CNBD1: variants seen among roughly 807,000 people sequenced by gnomAD.
CNBD1 encodes cyclic nucleotide binding domain containing 1.
A neutral mutation model predicts 54.4 loss-of-function variants in CNBD1; 71 were observed. That is an observed-to-expected ratio of 1.30 (90% CI 1.08 to 1.59). The LOEUF (loss-of-function observed/expected upper bound fraction) is 1.59, where lower values mean the gene tolerates loss of function less well. Ranked by LOEUF, CNBD1 falls within the 40% of genes most tolerant of loss-of-function variation. The pLI, the probability that CNBD1 is intolerant of heterozygous loss-of-function variation, is 0.00. For missense variants in CNBD1, 659 were observed against 518.0 expected, an observed-to-expected ratio of 1.27 and a Z score of -2.64; for synonymous variants, 182 against 170.7, an observed-to-expected ratio of 1.07 and a Z score of -0.51.
chr8:86,911,273 T>C (rs1293570814), intron 3 of CNBD1, among the ~76,000 whole-genome samples: 1 of 152,146 alleles, frequency 6.6e-6, no homozygotes, highest in Non-Finnish European at 1.5e-5. Flanking sequence ...AAGAAATTAT[T>C]TGGGGGCTGC....
intron 4 of CNBD1, among the ~76,000 whole-genome samples, chr8:87,154,186 A>G (rs887336386): frequency 3.3e-5 from 5 of 152,242 alleles, no homozygotes; most frequent in African/African-American, 1.2e-4. Context: ...TTTTTAACCT[A>G]TCGCATCTCC....
intron 10 of CNBD1, among the ~76,000 whole-genome samples, chr8:87,354,406 T>TA (rs1810378160): frequency 6.6e-6 from 1 of 152,080 alleles, no homozygotes; most frequent in Non-Finnish European, 1.5e-5. Flanking sequence ...TCTTTTTTTT[T>TA]AATTTTATTA....
chr8:86,906,446 A>G (rs1809018017), intron 3 of CNBD1, among the ~76,000 whole-genome samples: 1 of 151,828 alleles, frequency 6.6e-6, no homozygotes, highest in Non-Finnish European at 1.5e-5. Context: ...ACTTTTTCCA[A>G]GACTGTATCT....
intron 4 of CNBD1, among the ~76,000 whole-genome samples, chr8:87,018,243 CAAAAACAAAACA>C (rs1001136180): frequency 1.3e-5 from 2 of 152,236 alleles, no homozygotes; most frequent in East Asian, 1.9e-4. Context: ...AACTGTGTCT[CAAAAACAAAACA>C]AAAAACAAAA....
At chr8:87,040,660 G>C (rs1467166207) in intron 4 of CNBD1, among the ~76,000 whole-genome samples, 2 of 151,568 alleles carry the variant, frequency 1.3e-5, no homozygotes, top group Non-Finnish European at 2.9e-5. Flanking sequence ...TCCTGACCTC[G>C]TGATCCACCC....
At chr8:87,325,314 T>G (rs1286580309) in intron 8 of CNBD1, among the ~76,000 whole-genome samples, 3 of 94,012 alleles carry the variant, frequency 3.2e-5, no homozygotes, top group African/African-American at 2.0e-4. Context: ...AGATGTCTAT[T>G]AGGTCCGCTT....
chr8:87,338,347 T>C lies in CNBD1; in HGVS notation c.1043-13338T>C, dbSNP rs547466071. ...TTCTCTAAATATTTCTTTTAATATT[T>C]CTTGCAAGGCAGGTCTGACAGCAAC... is the stretch of plus-strand genomic sequence containing the variant. On this transcript the variant is annotated intron_variant, in intron 8 of 10. Coordinates refer to ENST00000518476, the MANE Select transcript of CNBD1 (RefSeq NM_173538.3). 1.4e-3 allele frequency among the ~76,000 whole-genome samples: 209 copies of C among 152,320 alleles called. 1 individual carries two copies. The highest frequency in any genetic ancestry group is 4.5e-3 in the African/African-American group (188 of 41,576).
chr8:87,359,783 A>G (rs549785070), intron 10 of CNBD1, among the ~76,000 whole-genome samples: 1 of 152,172 alleles, frequency 6.6e-6, no homozygotes, highest in Non-Finnish European at 1.5e-5. Flanking sequence ...AGCAAACTCT[A>G]TGTTATGTCA....
At chr8:87,200,160 A>G (rs1813826474) in intron 4 of CNBD1, among the ~76,000 whole-genome samples, 1 of 152,176 alleles carries the variant, frequency 6.6e-6, no homozygotes, top group Non-Finnish European at 1.5e-5. Context: ...TCCCAGATGA[A>G]TAGGAGAGAA....
At chr8:87,300,364 A>G (rs1194671233) in intron 8 of CNBD1, among the ~76,000 whole-genome samples, 1 of 152,104 alleles carries the variant, frequency 6.6e-6, no homozygotes, top group African/African-American at 2.4e-5. Context: ...TAAAACCCCA[A>G]AAGTCTGGAG....
chr8:87,395,431 A>C (rs1316769568), intron 2 of CNBD1, among the ~76,000 whole-genome samples: 1 of 151,944 alleles, frequency 6.6e-6, no homozygotes, highest in Non-Finnish European at 1.5e-5. Context: ...TGAAGTGTTC[A>C]TTTAAGAAAC....
chr8:86,972,617 GACAC>G (rs138402013), intron 4 of CNBD1, among the ~76,000 whole-genome samples: 1 of 151,706 alleles, frequency 6.6e-6, no homozygotes, highest in Non-Finnish European at 1.5e-5. Context: ...AAGATACACA[GACAC>G]ACACACACAC....
At chr8:87,119,324 G>GTT (rs34925068) in intron 4 of CNBD1, among the ~76,000 whole-genome samples, 111 of 145,606 alleles carry the variant, frequency 7.6e-4, no homozygotes, top group African/African-American at 2.4e-3. Flanking sequence ...AATTCTTAGG[G>GTT]TTTTTTTTTT....
intron 4 of CNBD1, among the ~76,000 whole-genome samples, chr8:87,029,155 G>A (rs1809723872): frequency 6.6e-6 from 1 of 152,168 alleles, no homozygotes; most frequent in Non-Finnish European, 1.5e-5. Context: ...TTGTTTCCAT[G>A]ATAATGTGTT....
intron 4 of CNBD1, among the ~76,000 whole-genome samples, chr8:87,151,589 A>G (rs1812605872): frequency 6.6e-6 from 1 of 152,146 alleles, no homozygotes; most frequent in Non-Finnish European, 1.5e-5. Context: ...TTCCATGCAT[A>G]TTCTCTGGGC....
intron 6 of CNBD1, among the ~76,000 whole-genome samples, chr8:87,273,476 C>T (rs62528088): frequency 0.045 from 6,833 of 151,994 alleles, 200 homozygotes; most frequent in Non-Finnish European, 0.063. Flanking sequence ...AAAATAACAA[C>T]AAACCAATGC....
At chr8:87,022,315 A>C (rs1482702268) in intron 4 of CNBD1, among the ~76,000 whole-genome samples, 1 of 152,198 alleles carries the variant, frequency 6.6e-6, no homozygotes, top group African/African-American at 2.4e-5. Context: ...ATATTGTGCC[A>C]CTGGGTTTTT....
chr8:87,270,364 A>AT (rs2095561432), intron 6 of CNBD1, among the ~76,000 whole-genome samples: 1 of 151,914 alleles, frequency 6.6e-6, no homozygotes, highest in African/African-American at 2.4e-5. Context: ...ATGAAAAAAA[A>AT]CTCAACATTA....
intron 4 of CNBD1, among the ~76,000 whole-genome samples, chr8:87,192,266 C>A (rs917272203): frequency 1.3e-4 from 19 of 152,000 alleles, no homozygotes; most frequent in Non-Finnish European, 2.4e-4. Context: ...GTACTTTCTT[C>A]TTTTTCTAAA....
Sources: allele counts gnomAD v4.1 joint callset (sites outside exome capture counted in the v4.1 genomes callset), GRCh38; gene constraint gnomAD v4.1.1; transcripts MANE v1.5; gene names NCBI Gene and HGNC (gene_info 2026-07-23, HGNC 2026-07-21).